The following PCNX2 variants were observed in gnomAD, a reference collection of about 807,000 sequenced individuals.
PCNX2 encodes pecanex-like protein 2.
A neutral mutation model predicts 223.8 loss-of-function variants in PCNX2; 168 were observed. The ratio of observed to expected loss-of-function variants is 0.75; its 90% confidence interval spans 0.66 to 0.85. The LOEUF (loss-of-function observed/expected upper bound fraction) is 0.85, where lower values mean the gene tolerates loss of function less well. Among genes scored for constraint, PCNX2 ranks in the 40% least tolerant of loss-of-function variants. The probability of loss-of-function intolerance (pLI) is 0.00; values close to 1 mark genes in which losing one functional copy is unlikely to be tolerated. For missense variants in PCNX2, 2,507 were observed against 2,675.5 expected (o/e 0.94, Z 1.39); for synonymous variants, 1,006 against 1,052.6 (o/e 0.96, Z 0.86).
intron 28 of PCNX2, among the ~76,000 whole-genome samples, chr1:233,006,264 C>T (rs78845516): frequency 0.023 from 3,473 of 152,270 alleles, 142 homozygotes; most frequent in African/African-American, 0.078. Context: ...CTGGAGTGTA[C>T]TGCGTAGGCT....
chr1:233,022,213 C>G (rs1670914199), intron 26 of PCNX2, among the ~76,000 whole-genome samples: 1 of 152,202 alleles, frequency 6.6e-6, no homozygotes, highest in Non-Finnish European at 1.5e-5. Flanking sequence ...ATTAGGATCT[C>G]TTCTGTCCAG....
intron 23 of PCNX2, among the ~76,000 whole-genome samples, chr1:233,060,151 A>G (rs1357140074): frequency 6.6e-6 from 1 of 152,210 alleles, no homozygotes; most frequent in Non-Finnish European, 1.5e-5. Flanking sequence ...TTTTCCTTAC[A>G]AATACTCTCA....
At chr1:233,271,817 T>A (rs1660652460) in intron 1 of PCNX2, among the ~76,000 whole-genome samples, 1 of 152,242 alleles carries the variant, frequency 6.6e-6, no homozygotes. Flanking sequence ...TTCTCTGTTC[T>A]ATTCCATTGG....
At chr1:233,029,000 C>T (rs988516246) in intron 25 of PCNX2, among the ~76,000 whole-genome samples, 11 of 151,682 alleles carry the variant, frequency 7.3e-5, no homozygotes, top group African/African-American at 2.2e-4. Context: ...CACCAGGTCC[C>T]GCTAATTTTT....
intron 24 of PCNX2, chr1:233,054,751 T>C: frequency 8.3e-6 from 2 of 242,066 alleles, no homozygotes; most frequent in Non-Finnish European, 1.6e-5. Flanking sequence ...CAATCATTGC[T>C]AGTATTATTT....
At chr1:233,272,757 T>C (rs1298505330) in intron 1 of PCNX2, among the ~76,000 whole-genome samples, 1 of 152,134 alleles carries the variant, frequency 6.6e-6, no homozygotes. Context: ...TGCCCATCAA[T>C]CAATGAGTGG....
chr1:233,100,956 T>G (rs1485643435), intron 21 of PCNX2, among the ~76,000 whole-genome samples: 1 of 152,212 alleles, frequency 6.6e-6, no homozygotes, highest in Admixed American at 6.5e-5. Context: ...TTACCAATAT[T>G]TGAACTTAAC....
At chr1:233,113,857 G>A (rs902236201) in intron 21 of PCNX2, among the ~76,000 whole-genome samples, 1 of 152,202 alleles carries the variant, frequency 6.6e-6, no homozygotes, top group Non-Finnish European at 1.5e-5. Context: ...GTGCAGACTC[G>A]AATAGCACTG....
chr1:233,065,013 T>C (rs1412873932), intron 23 of PCNX2, among the ~76,000 whole-genome samples: 1 of 152,220 alleles, frequency 6.6e-6, no homozygotes, highest in Non-Finnish European at 1.5e-5. Context: ...AATTTTTTTT[T>C]CATTTTATGT....
At chr1:233,045,126 C>T (rs1671782398) in intron 25 of PCNX2, among the ~76,000 whole-genome samples, 1 of 152,154 alleles carries the variant, frequency 6.6e-6, no homozygotes. Flanking sequence ...CAGAACTACC[C>T]CAGTTATTTT....
At chr1:233,242,295 A>AT (rs1444950440) in intron 8 of PCNX2, among the ~76,000 whole-genome samples, 1 of 152,180 alleles carries the variant, frequency 6.6e-6, no homozygotes, top group African/African-American at 2.4e-5. Context: ...TCCTACTCTT[A>AT]TTTTTTAAAT....
intron 19 of PCNX2, among the ~76,000 whole-genome samples, chr1:233,154,054 G>A (rs1380898889): frequency 6.6e-6 from 1 of 152,078 alleles, no homozygotes; most frequent in Non-Finnish European, 1.5e-5. Flanking sequence ...TTAAATAGAT[G>A]TTTAATTGAT....
chr1:233,264,942 T>C (rs1250311262), intron 1 of PCNX2, among the ~76,000 whole-genome samples: 8 of 152,128 alleles, frequency 5.3e-5, no homozygotes, highest in Non-Finnish European at 1.0e-4. Flanking sequence ...TATTGTTATA[T>C]AAAAATGATA....
At chr1:233,228,201 T>C (rs572631542) in intron 9 of PCNX2, among the ~76,000 whole-genome samples, 2 of 152,284 alleles carry the variant, frequency 1.3e-5, no homozygotes, top group Non-Finnish European at 2.9e-5. Flanking sequence ...CCGTTCTCCG[T>C]GTACAGAAGC....
In PCNX2 at chr1:233,258,770, G is replaced by A. The variant is rs371787723; in HGVS notation, c.1092C>T (p.Pro364=). Residue 364 remains proline, a synonymous_variant, in exon 5 of 34, where the codon CCC becomes CCT. Coordinates refer to ENST00000258229, the MANE Select transcript of PCNX2 (RefSeq NM_014801.4). ...VAVTLIDTSQ[P]GDPLSLHEPI... The stretch of plus-strand genomic sequence containing the variant: ...GCTCATGTAGACTCAGTGGGTCTCC[G>A]GGTTGAGAAGTATCGATGAGAGTAA... 1.1e-5 allele frequency: 17 copies of A among 1,613,692 alleles called. No homozygotes were observed. In the African/African-American group the frequency reaches 1.1e-4, roughly 10 times the overall value.
chr1:233,104,019 T>C (rs1202265094), intron 21 of PCNX2, among the ~76,000 whole-genome samples: 2 of 151,984 alleles, frequency 1.3e-5, no homozygotes, highest in Admixed American at 6.6e-5. Context: ...TTGCAAATCA[T>C]TGCACTAAAG....
chr1:233,123,303 C>T (rs373774196), intron 21 of PCNX2, among the ~76,000 whole-genome samples: 20 of 152,128 alleles, frequency 1.3e-4, no homozygotes, highest in African/African-American at 4.3e-4. Flanking sequence ...AACATCTGGC[C>T]GGGCGCGGTG....
intron 28 of PCNX2, among the ~76,000 whole-genome samples, chr1:233,009,166 C>T (rs1467113030): frequency 6.6e-6 from 1 of 152,206 alleles, no homozygotes; most frequent in Admixed American, 6.5e-5. Context: ...CATCATCTCT[C>T]ATGCCTTCAG....
upstream of PCNX2, among the ~76,000 whole-genome samples, chr1:233,300,438 T>G (rs1178080911): frequency 6.6e-6 from 1 of 152,210 alleles, no homozygotes; most frequent in Non-Finnish European, 1.5e-5. Context: ...CAGAGACATA[T>G]CCAGGCTTCC....
Sources: gnomAD v4.1 joint callset for allele counts (sites outside exome capture counted in the v4.1 genomes callset) on GRCh38, gnomAD v4.1.1 for gene constraint, MANE v1.5 for transcripts, NCBI Gene and HGNC (gene_info 2026-07-23, HGNC 2026-07-21) for gene names.